The following PSMG2 variants were observed in gnomAD, a reference collection of about 807,000 sequenced individuals.
The protein encoded by PSMG2 is CD40 ligand-activated specific transcript 3.
PSMG2 carries 21 observed loss-of-function variants against 31.5 expected under a neutral mutation model. The observed-to-expected ratio is 0.67, with a 90% CI of 0.47 to 0.96. The LOEUF (loss-of-function observed/expected upper bound fraction) is 0.96. Ranked by LOEUF, PSMG2 falls within the 40% of genes least tolerant of loss-of-function variation. The pLI is 0.00. For synonymous variants in PSMG2, 120 were observed against 110.4 expected (o/e 1.09, Z -0.54); for missense variants, 318 against 321.2 (o/e 0.99, Z 0.08).
At chr18:12,668,090 C>G (rs1042159141) in intron 1 of PSMG2, among the ~76,000 whole-genome samples, 17 of 151,926 alleles carry the variant, frequency 1.1e-4, no homozygotes, top group African/African-American at 3.9e-4. Context: ...CATGGTGAGA[C>G]CCTGTCCCTA....
At chr18:12,696,081 C>T (rs536766181) in intron 1 of PSMG2, among the ~76,000 whole-genome samples, 115 of 152,032 alleles carry the variant, frequency 7.6e-4, no homozygotes, top group Non-Finnish European at 1.4e-3. Flanking sequence ...GTCACTGCTA[C>T]GATTATCATG....
chr18:12,672,076 C>T (rs949077377), intron 1 of PSMG2, among the ~76,000 whole-genome samples: 2 of 151,614 alleles, frequency 1.3e-5, no homozygotes, highest in Admixed American at 1.3e-4. Flanking sequence ...CATCAGCCTC[C>T]CAAAGTGCTG....
At chr18:12,693,186 C>CTT (rs1390590517) in intron 1 of PSMG2, among the ~76,000 whole-genome samples, 3 of 152,008 alleles carry the variant, frequency 2.0e-5, no homozygotes. Context: ...ATAGAATAAA[C>CTT]TTATGTTTTA....
chr18:12,725,106 G>A (rs894562789), intron 6 of PSMG2, among the ~76,000 whole-genome samples: 1 of 152,164 alleles, frequency 6.6e-6, no homozygotes, highest in Non-Finnish European at 1.5e-5. Context: ...TCTAAGATGG[G>A]TAACTAGCTT....
chr18:12,680,511 G>A (rs1041413904), intron 1 of PSMG2: 6 of 476,260 alleles, frequency 1.3e-5, no homozygotes, highest in African/African-American at 4.1e-5. Context: ...CAGGAGAATC[G>A]GCTTGAACCT....
intron 1 of PSMG2, chr18:12,679,349 C>CCAA (rs944090536): frequency 6.6e-6 from 1 of 152,276 alleles, no homozygotes; most frequent in Non-Finnish European, 1.5e-5. Flanking sequence ...AGGAGCTTGG[C>CCAA]CCCTCCTCTT....
upstream of PSMG2, chr18:12,702,687 C>A (rs866491371): frequency 3.3e-6 from 3 of 920,694 alleles, no homozygotes; most frequent in Admixed American, 3.1e-5. Context: ...TCCCGGGGGA[C>A]GCAACGCCGC....
intron 1 of PSMG2, among the ~76,000 whole-genome samples, chr18:12,703,381 G>C (rs1471427756): frequency 6.6e-6 from 1 of 152,242 alleles, no homozygotes; most frequent in Non-Finnish European, 1.5e-5. Flanking sequence ...TCTACAATTT[G>C]TAGTCTCTGT....
intron 2 of PSMG2, 37 bp from the exon 3 acceptor site, chr18:12,712,665 A>C: frequency 6.9e-7 from 1 of 1,446,252 alleles, no homozygotes; most frequent in East Asian, 2.3e-5. Flanking sequence ...GTATAACTTC[A>C]CTGTCATATG....
chr18:12,695,863 C>CAT (rs2039937196), intron 1 of PSMG2, among the ~76,000 whole-genome samples: 1 of 151,686 alleles, frequency 6.6e-6, no homozygotes, highest in South Asian at 2.1e-4. Flanking sequence ...CACACACACA[C>CAT]ACACACACAC....
intron 1 of PSMG2, among the ~76,000 whole-genome samples, chr18:12,687,146 G>A (rs1246744834): frequency 4.6e-5 from 7 of 151,948 alleles, no homozygotes; most frequent in Middle Eastern, 3.2e-3. Flanking sequence ...TTACTGATAC[G>A]GCACTGTGAA....
At chr18:12,671,131 A>C (rs35495829) in intron 1 of PSMG2, 2 of 149,808 alleles carry the variant, frequency 1.3e-5, no homozygotes, top group Non-Finnish European at 3.0e-5. Flanking sequence ...TTAGAGAAAT[A>C]GGGGGGGGTC....
intron 5 of PSMG2, among the ~76,000 whole-genome samples, chr18:12,722,489 C>T (rs1370091691): frequency 6.6e-6 from 1 of 152,150 alleles, no homozygotes; most frequent in Non-Finnish European, 1.5e-5. Flanking sequence ...GTCCAGGGGT[C>T]TGTTTCCTTG....
upstream of PSMG2, chr18:12,702,434 G>A (rs2040191834): frequency 1.1e-5 from 15 of 1,409,928 alleles, no homozygotes; most frequent in South Asian, 7.1e-5. Flanking sequence ...CGGGCAGGAG[G>A]GAAAGGTTAT....
chr18:12,723,700 A>G (rs1052356172), intron 5 of PSMG2, among the ~76,000 whole-genome samples: 1 of 152,120 alleles, frequency 6.6e-6, no homozygotes, highest in South Asian at 2.1e-4. Flanking sequence ...CCTGTATTCA[A>G]TCTCTTTAAA....
At position 12,659,560 on chromosome 18, in the gene PSMG2, C is replaced by T. The variant is rs147956512; in HGVS notation, c.-37+787C>T. On this transcript the variant is annotated intron_variant, in intron 1 of 6. Coordinates refer to the PSMG2 transcript ENST00000585331. ...TGACGCACGCTTGTAATCCCAGCTACCCGGGAGGCTGAGGCAGGAGAATCG... is the reference window on the plus strand; with the variant it reads ...TGACGCACGCTTGTAATCCCAGCTATCCGGGAGGCTGAGGCAGGAGAATCG... Among the ~76,000 whole-genome samples the T allele has an allele frequency of 9.4e-3, 1,422 of 152,066 alleles. 27 individuals carry two copies. The highest frequency in any genetic ancestry group is 0.032 in the African/African-American group (1,308 of 41,464).
intron 1 of PSMG2, chr18:12,673,123 AAATAG>A (rs1182962754): frequency 1.4e-5 from 15 of 1,078,402 alleles, no homozygotes; most frequent in African/African-American, 1.7e-5. Flanking sequence ...GCATTTATTA[AAATAG>A]AATATACACT....
intron 1 of PSMG2, among the ~76,000 whole-genome samples, chr18:12,687,516 T>A (rs1352471450): frequency 1.3e-5 from 2 of 150,868 alleles, no homozygotes; most frequent in Non-Finnish European, 3.0e-5. Flanking sequence ...TGCAGTAGTG[T>A]GATTTCGGCT....
upstream of PSMG2, chr18:12,699,688 A>C: frequency 1.9e-6 from 1 of 536,698 alleles, no homozygotes; most frequent in Non-Finnish European, 3.3e-6. Flanking sequence ...CATGCAAAAC[A>C]ATCTGTTTTA....
Sources: allele counts gnomAD v4.1 joint callset (sites outside exome capture counted in the v4.1 genomes callset), GRCh38; gene constraint gnomAD v4.1.1; transcripts MANE v1.5; gene names NCBI Gene and HGNC (gene_info 2026-07-23, HGNC 2026-07-21).